The following ENPP1 variants were observed in gnomAD, a reference collection of about 807,000 sequenced individuals.
ENPP1 encodes ectonucleotide pyrophosphatase/phosphodiesterase family member 1.
ENPP1 carries 73 observed loss-of-function variants against 122.8 expected under a neutral mutation model. That is an observed-to-expected ratio of 0.59 (90% CI 0.49 to 0.72). The LOEUF is 0.72. ENPP1 is among the 30% of genes least tolerant of loss of function. The pLI is 0.00. For synonymous variants in ENPP1, 367 were observed against 391.6 expected (o/e 0.94, Z 0.74); for missense variants, 978 against 1,128.1 (o/e 0.87, Z 1.91).
Position 131,868,044 on chromosome 6 carries a change from T to C in ENPP1, c.1191T>C (p.Asp397=), listed in dbSNP as rs2114710265. The change falls in exon 12 of 25, where the codon GAT becomes GAC. Residue 397 remains aspartate (D), a synonymous_variant. Transcript: ENST00000647893. ...SEVIKALQRV[D]GMVGMLMDGL... is the part of the protein sequence containing the mutation. Reference sequence around the variant, plus strand: ...TCATCAAAGCCTTGCAGAGGGTTGATGGTATGGTTGGTATGCTGATGGATG... The same window carrying C: ...TCATCAAAGCCTTGCAGAGGGTTGACGGTATGGTTGGTATGCTGATGGATG... 6.2e-7 allele frequency: 1 copy of C among 1,613,612 alleles called. No individual in the cohort carries two copies. The highest frequency in any genetic ancestry group is 8.5e-7 in the Non-Finnish European group (1 of 1,179,698).
At chr6:131,855,756 CT>C (rs200014818) in intron 6 of ENPP1, among the ~76,000 whole-genome samples, 1,014 of 140,420 alleles carry the variant, frequency 7.2e-3, no homozygotes, top group Middle Eastern at 0.027. Context: ...TGGACTCTTC[CT>C]TTTTTTTTTT....
At chr6:131,835,073 T>C (rs1781658785) in intron 1 of ENPP1, among the ~76,000 whole-genome samples, 1 of 152,238 alleles carries the variant, frequency 6.6e-6, no homozygotes, top group African/African-American at 2.4e-5. Flanking sequence ...AAGTAATACA[T>C]GTCTTAATTC....
intron 6 of ENPP1, among the ~76,000 whole-genome samples, chr6:131,855,586 A>G (rs534136450): frequency 6.6e-6 from 1 of 152,316 alleles, no homozygotes; most frequent in East Asian, 1.9e-4. Flanking sequence ...TTGGCCTTCC[A>G]AAGTGCTAGG....
rs1392665812 is a variant in ENPP1, at chr6:131,851,230, G to A, written c.519G>A (p.Lys173=). 1.9e-6 allele frequency: 3 copies of A among 1,613,986 alleles called. No individual in the cohort carries two copies. The African/African-American group carries it at 4.0e-5, about 22-fold the overall frequency. The change falls in exon 4 of 25, where the codon AAG becomes AAA. Residue 173 remains lysine, a synonymous_variant. Coordinates refer to ENST00000647893, the MANE Select transcript of ENPP1 (RefSeq NM_006208.3). ...CCTGTTCAGATGACTGCAAGGACAA[G>A]GGCGACTGCTGCATCAACTACAGTT... ...LCACSDDCKD[K]GDCCINYSSV... is the part of the protein sequence containing the mutation.
intron 15 of ENPP1, 58 bp from the exon 16 acceptor site, chr6:131,874,210 T>G: frequency 1.0e-6 from 1 of 988,684 alleles, no homozygotes; most frequent in Non-Finnish European, 1.6e-6. Flanking sequence ...ATGTTATGAT[T>G]ATCAATTATG....
rs1459894012 is a variant in ENPP1 at position 131,895,061 on chromosome 6, C to T, written c.*4550C>T. 1 of 152,140 alleles carries T rather than the reference C, an allele frequency of 6.6e-6. No individual in the cohort carries two copies. The highest frequency in any genetic ancestry group is 2.4e-5 in the African/African-American group (1 of 41,424). The allele number at this position is 152,140 out of a possible 1,614,324, so 9.4% of individuals were successfully genotyped here. On this transcript the variant is annotated 3_prime_UTR_variant, in exon 25 of 25. Transcript: ENST00000647893. Reference sequence around the variant, plus strand: ...ACATTTTCCCTGGTTTTTGGCCAGTCTAAATATTGTAAGAGAGAGAGAAGA... The same window carrying T: ...ACATTTTCCCTGGTTTTTGGCCAGTTTAAATATTGTAAGAGAGAGAGAAGA...
chr6:131,882,479 G>GT lies in ENPP1; in HGVS notation c.2230+11dup. On this transcript the variant is annotated splice_donor_region_variant and intron_variant, in intron 21 of 24. Coordinates refer to ENST00000647893, the MANE Select transcript of ENPP1 (RefSeq NM_006208.3). ...ACGGGTTCCTCTCCCCACCACGTAA[G>GT]TTTTTTCCTCTCCTGACCTTCCCTT... The GT allele has an allele frequency of 6.2e-7, 1 of 1,601,308 alleles. No homozygotes were observed. Among genetic ancestry groups the GT allele is most frequent in the Non-Finnish European group, 8.5e-7 (1 of 1,172,262 alleles).
intron 1 of ENPP1, among the ~76,000 whole-genome samples, chr6:131,846,505 A>G (rs573940763): frequency 4.8e-4 from 73 of 152,068 alleles, no homozygotes; most frequent in Non-Finnish European, 9.0e-4. Context: ...ATTCAGAGCC[A>G]TGCCAAAAGC....
chr6:131,850,033 C>T lies in ENPP1; in HGVS notation c.357C>T (p.Asn119=). 10 of 1,614,046 alleles carry T rather than the reference C, an allele frequency of 6.2e-6. No individual in the cohort carries two copies. The highest frequency in any genetic ancestry group is 1.1e-5 in the South Asian group (1 of 91,082). The part of the protein sequence containing the change: ...KGRCFERTFG[N]CRCDAACVEL... ...GCTGTTTCGAGAGAACATTTGGGAA[C>T]TGTCGCTGTGATGCTGCCTGTGTTG... is the stretch of plus-strand genomic sequence containing the variant. Residue 119 remains asparagine, a synonymous_variant, in exon 3 of 25, where the codon AAC becomes AAT. Coordinates refer to ENST00000647893, the MANE Select transcript of ENPP1 (RefSeq NM_006208.3).
rs7773477 is a variant in ENPP1, at chr6:131,847,857, G to A, written c.313+9G>A. On this transcript the variant is annotated intron_variant, in intron 2 of 24. Transcript: ENST00000647893. ...AAGCTGTGCCAAAGAAGGTAATTAG[G>A]TGTGTGTGTGTGTGTGTGTGTGTGT... The A allele has an allele frequency of 1.4e-4, 53 of 365,542 alleles. No homozygotes were observed. Among genetic ancestry groups the A allele is most frequent in the Middle Eastern group, 1.7e-3 (2 of 1,174 alleles). The allele number at this position is 365,542 out of a possible 1,614,324, so 22.6% of individuals were successfully genotyped here.
chr6:131,864,917 A>G lies in ENPP1; in HGVS notation c.1143A>G (p.Ser381=), dbSNP rs779987537. Residue 381 remains serine, a synonymous_variant, in exon 11 of 25, where the codon TCA becomes TCG. Coordinates refer to ENST00000647893, the MANE Select transcript of ENPP1 (RefSeq NM_006208.3). The part of the protein sequence containing the change: ...YLEEPDSSGH[S]YGPVSSEVIK... ...AAGAACCAGATTCTTCAGGTCATTC[A>G]TATGGACCAGTCAGCAGTGAAGTAA... The G allele has an allele frequency of 6.2e-7, 1 of 1,603,502 alleles. No homozygotes were observed. Among genetic ancestry groups the G allele is most frequent in the Admixed American group, 1.7e-5 (1 of 60,004 alleles).
At chr6:131,870,415 G>T (rs1782146502) in intron 13 of ENPP1, among the ~76,000 whole-genome samples, 1 of 152,168 alleles carries the variant, frequency 6.6e-6, no homozygotes, top group Admixed American at 6.5e-5. Context: ...TTTCATAACT[G>T]TTTCCACCTC....
At chr6:131,858,053 T>G (rs1781972118) in intron 6 of ENPP1, among the ~76,000 whole-genome samples, 1 of 152,132 alleles carries the variant, frequency 6.6e-6, no homozygotes, top group Admixed American at 6.5e-5. Context: ...TTTAGGCAAA[T>G]GGAGTATTGA....
intron 7 of ENPP1, among the ~76,000 whole-genome samples, chr6:131,859,323 A>C (rs1193933233): frequency 6.6e-6 from 1 of 152,214 alleles, no homozygotes; most frequent in African/African-American, 2.4e-5. Flanking sequence ...TGTTCTGCAG[A>C]AATGCTTTAC....
rs376858880 is a variant in ENPP1 at position 131,892,511 on chromosome 6, A to G, written c.*2000A>G. The G allele has an allele frequency of 6.6e-6, 1 of 152,276 alleles. No homozygotes were observed. The highest frequency in any genetic ancestry group is 2.1e-4 in the South Asian group (1 of 4,816). The allele number at this position is 152,276 out of a possible 1,614,324, so 9.4% of individuals were successfully genotyped here. A position where few individuals can be genotyped will look rare whatever the true frequency, so the allele number is the denominator to read the frequency against. Reference sequence around the variant, plus strand: ...CACCCTGGGAATCTCCACTAATGCTATGGGACAGAGTGACCAGGAAGAGCT... The same window carrying G: ...CACCCTGGGAATCTCCACTAATGCTGTGGGACAGAGTGACCAGGAAGAGCT... On this transcript the variant is annotated 3_prime_UTR_variant, in exon 25 of 25. Coordinates refer to ENST00000647893, the MANE Select transcript of ENPP1 (RefSeq NM_006208.3).
intron 9 of ENPP1, among the ~76,000 whole-genome samples, chr6:131,861,995 C>A (rs112519511): frequency 6.6e-6 from 1 of 151,926 alleles, no homozygotes; most frequent in Non-Finnish European, 1.5e-5. Context: ...GTGGTAAAAC[C>A]CCGTCTCTAC....
chr6:131,809,217 A>G (rs962009183), intron 1 of ENPP1, among the ~76,000 whole-genome samples: 42 of 152,244 alleles, frequency 2.8e-4, no homozygotes, highest in African/African-American at 9.4e-4. Flanking sequence ...ATTGTATTAT[A>G]TGGAAATCAC....
chr6:131,862,932 G>A (rs867019658), intron 9 of ENPP1, among the ~76,000 whole-genome samples: 1 of 152,064 alleles, frequency 6.6e-6, no homozygotes, highest in African/African-American at 2.4e-5. Flanking sequence ...TTTCTGGGCG[G>A]TGGGGAAGGG....
intron 24 of ENPP1, 112 bp from the exon 25 acceptor site, chr6:131,890,229 C>T (rs887345903): frequency 3.5e-6 from 3 of 858,726 alleles, no homozygotes; most frequent in Non-Finnish European, 6.0e-6. Flanking sequence ...GTGGCACGTT[C>T]CACTTCAGAG....
Sources: allele counts gnomAD v4.1 joint callset (sites outside exome capture counted in the v4.1 genomes callset), GRCh38; gene constraint gnomAD v4.1.1; transcripts MANE v1.5; gene names NCBI Gene and HGNC (gene_info 2026-07-23, HGNC 2026-07-21).